The following PTGIS variants were observed in gnomAD, a reference collection of about 807,000 sequenced individuals.
PTGIS encodes the protein prostaglandin I2 synthase.
Under a neutral mutation model 50.3 loss-of-function variants are expected in PTGIS, and 45 were observed. That is an observed-to-expected ratio of 0.90 (90% CI 0.70 to 1.15). The LOEUF is 1.15. PTGIS is among the 50% of genes most tolerant of loss of function. The pLI is 0.00. For synonymous variants in PTGIS, 260 were observed against 267.7 expected, an observed-to-expected ratio of 0.97 and a Z score of 0.28; for missense variants, 668 against 661.3, an observed-to-expected ratio of 1.01 and a Z score of -0.11.
At chr20:49,567,922 G>T in intron 1 of PTGIS, 121 bp downstream of exon 1, 4 of 959,344 alleles carry the variant, frequency 4.2e-6, no homozygotes, top group Non-Finnish European at 5.6e-6. Flanking sequence ...GTCTCGCCTT[G>T]CCCGGGATAC....
At chr20:49,561,208 C>T (rs571271791) in intron 1 of PTGIS, among the ~76,000 whole-genome samples, 1 of 152,270 alleles carries the variant, frequency 6.6e-6, no homozygotes, top group South Asian at 2.1e-4. Flanking sequence ...CTCTACCTGG[C>T]TGCCCCCAGT....
chr20:49,507,812 T>C lies in PTGIS; in HGVS notation c.*108A>G. The stretch of plus-strand genomic sequence containing the variant: ...TGGGAGAAAAGCAGGGAAGTGGTAA[T>C]GCTAGCACCTGCACCCGGGCCAACT... On this transcript the variant is annotated 3_prime_UTR_variant, in exon 10 of 10. Coordinates refer to ENST00000244043, the MANE Select transcript of PTGIS (RefSeq NM_000961.4). 2.1e-6 allele frequency: 3 copies of C among 1,459,882 alleles called. No homozygotes were observed. The highest frequency in any genetic ancestry group is 2.8e-6 in the Non-Finnish European group (3 of 1,066,842). The allele number at this position is 1,459,882 out of a possible 1,614,324, so 90.4% of individuals were successfully genotyped here.
chr20:49,534,490 G>C (rs1463937566), intron 5 of PTGIS, among the ~76,000 whole-genome samples: 1 of 152,110 alleles, frequency 6.6e-6, no homozygotes, highest in Non-Finnish European at 1.5e-5. Context: ...GTGATGGGGG[G>C]AGTTCCTCTG....
At chr20:49,552,618 G>A (rs1368208812) in intron 1 of PTGIS, among the ~76,000 whole-genome samples, 1 of 152,026 alleles carries the variant, frequency 6.6e-6, no homozygotes, top group Non-Finnish European at 1.5e-5. Flanking sequence ...AAGTTTGGCT[G>A]ACAATTGCCT....
rs1012957723 is a variant in PTGIS, at chr20:49,511,081, C to T, written c.1305G>A (p.Gly435=). The change falls in exon 9 of 10, where the codon GGG becomes GGA. Residue 435 remains glycine, a synonymous_variant. Transcript: ENST00000244043. ...TCCCCAGGCAGTGATTGTGCCCCGC[C>T]CCCCAGGGCATGTTGTAATTCTTCA... is the stretch of plus-strand genomic sequence containing the variant. ...KRLKNYNMPW[G]AGHNHCLGRS... 3 of 1,614,094 alleles carry T rather than the reference C, an allele frequency of 1.9e-6. No individual in the cohort carries two copies. Among genetic ancestry groups the T allele is most frequent in the African/African-American group, 2.7e-5 (2 of 75,040 alleles).
chr20:49,507,698 G>A lies in PTGIS; in HGVS notation c.*222C>T, dbSNP rs1016016464. On this transcript the variant is annotated 3_prime_UTR_variant, in exon 10 of 10. Transcript: ENST00000244043. ...AGCAGACAAAGCCTGATTTTGGAAA[G>A]AAAACTTTGCAGTGGATAATCCATA... 3.1e-6 allele frequency: 2 copies of A among 635,654 alleles called. No homozygotes were observed. Among genetic ancestry groups the A allele is most frequent in the Admixed American group, 5.7e-5 (2 of 35,030 alleles). The allele number at this position is 635,654 out of a possible 1,614,324, so 39.4% of individuals were successfully genotyped here.
chr20:49,548,427 G>GATGGATGGATGA (rs1035313354), intron 2 of PTGIS, among the ~76,000 whole-genome samples: 1 of 152,184 alleles, frequency 6.6e-6, no homozygotes, highest in Non-Finnish European at 1.5e-5. Flanking sequence ...GCACATCATG[G>GATGGATGGATGA]ATGGATGGAT....
At chr20:49,517,433 A>G (rs1981515360) in intron 6 of PTGIS, among the ~76,000 whole-genome samples, 1 of 150,142 alleles carries the variant, frequency 6.7e-6, no homozygotes, top group Admixed American at 6.6e-5. Flanking sequence ...CTTTTACCCA[A>G]CTGCACAGAT....
chr20:49,530,234 C>T (rs939684785), intron 5 of PTGIS, among the ~76,000 whole-genome samples: 6 of 152,100 alleles, frequency 3.9e-5, no homozygotes, highest in Non-Finnish European at 4.4e-5. Context: ...TTCAGTACCA[C>T]CCATGGTTCC....
In PTGIS at chr20:49,550,150, G is replaced by A. The variant is rs1427243837; in HGVS notation, c.114C>T (p.Pro38=). The change falls in exon 2 of 10, where the codon CCC becomes CCT. Residue 38 remains proline, a synonymous_variant. Transcript: ENST00000244043. ...CAAAGTCCAAGGCATACCCCAACCA[G>A]GGGATGCTGCCCAGGTCCAGGGGAG... ...GEPPLDLGSI[P]WLGYALDFGK... The A allele has an allele frequency of 1.9e-6, 3 of 1,613,992 alleles. No homozygotes were observed. Among genetic ancestry groups the A allele is most frequent in the East Asian group, 2.2e-5 (1 of 44,886 alleles).
chr20:49,559,778 G>C (rs865784201), intron 1 of PTGIS, among the ~76,000 whole-genome samples: 1 of 152,116 alleles, frequency 6.6e-6, no homozygotes, highest in Non-Finnish European at 1.5e-5. Context: ...GTACATTAGT[G>C]GTTGCCCAGG....
rs1437669720 is a variant in PTGIS, at chr20:49,544,595, A to G, written c.378-147T>C. ...GCGGAAGAGTAGCTTAAATAAGAGG[A>G]TATTATTATGACTGTCATCGTCAAC... On this transcript the variant is annotated intron_variant, in intron 3 of 9. Coordinates refer to ENST00000244043, the MANE Select transcript of PTGIS (RefSeq NM_000961.4). The G allele has an allele frequency of 3.7e-6, 3 of 813,758 alleles. No homozygotes were observed. In the African/African-American group the frequency reaches 5.1e-5, roughly 14 times the overall value. 50.4% of individuals were successfully genotyped at this position (813,758 alleles called of 1,614,324 possible).
At chr20:49,534,992 C>G (rs1311751955) in intron 5 of PTGIS, among the ~76,000 whole-genome samples, 3 of 152,038 alleles carry the variant, frequency 2.0e-5, no homozygotes, top group Non-Finnish European at 4.4e-5. Context: ...GGTGACAGAG[C>G]AAGACTCTGT....
chr20:49,535,767 C>G (rs1314528139), intron 5 of PTGIS, among the ~76,000 whole-genome samples: 1 of 152,210 alleles, frequency 6.6e-6, no homozygotes, highest in Non-Finnish European at 1.5e-5. Context: ...CTACCTGTCT[C>G]AGCCTCCCAA....
chr20:49,550,496 A>G (rs1349650500), intron 1 of PTGIS, among the ~76,000 whole-genome samples: 1 of 152,164 alleles, frequency 6.6e-6, no homozygotes, highest in East Asian at 1.9e-4. Context: ...ATTGTCCTTA[A>G]CCTTGGTAAA....
At chr20:49,513,315 T>C (rs1981377469) in intron 7 of PTGIS, 54 bp from the exon 8 acceptor site, 2 of 1,568,098 alleles carry the variant, frequency 1.3e-6, no homozygotes, top group South Asian at 2.3e-5. Flanking sequence ...CACCTGCTCA[T>C]ATGCCAACCC....
intron 4 of PTGIS, among the ~76,000 whole-genome samples, chr20:49,542,948 C>T (rs930971511): frequency 1.3e-4 from 14 of 105,868 alleles, no homozygotes; most frequent in African/African-American, 4.3e-4. Flanking sequence ...AGCTGAGACA[C>T]GCCGAGTCTA....
In PTGIS at chr20:49,510,570, T is replaced by G. The variant is rs556043411; in HGVS notation, c.1358+458A>C. 3.9e-5 allele frequency among the ~76,000 whole-genome samples: 6 copies of G among 152,184 alleles called. No individual in the cohort carries two copies. The East Asian group carries it at 1.2e-3, about 29-fold the overall frequency. On this transcript the variant is annotated intron_variant, in intron 9 of 9. Coordinates refer to ENST00000244043, the MANE Select transcript of PTGIS (RefSeq NM_000961.4). ...TGTCATAACCCCTGGTCCAATCTGT[T>G]TGTGATCCTGGTGGCCAAAGCTCCT... is the stretch of plus-strand genomic sequence containing the variant.
At chr20:49,554,221 T>C (rs1358713853) in intron 1 of PTGIS, among the ~76,000 whole-genome samples, 1 of 152,164 alleles carries the variant, frequency 6.6e-6, no homozygotes, top group African/African-American at 2.4e-5. Flanking sequence ...CTCATATAAA[T>C]TTTTTCCCTC....
Sources: allele counts gnomAD v4.1 joint callset (sites outside exome capture counted in the v4.1 genomes callset), GRCh38; gene constraint gnomAD v4.1.1; transcripts MANE v1.5; gene names NCBI Gene and HGNC (gene_info 2026-07-23, HGNC 2026-07-21).